DMD: variants seen among roughly 807,000 people sequenced by gnomAD.
The protein encoded by DMD is mutant dystrophin.
DMD carries 63 observed loss-of-function variants against 330.1 expected under a neutral mutation model. That is an observed-to-expected ratio of 0.19 (90% CI 0.16 to 0.24). DMD has a LOEUF of 0.24. DMD is among the 10% of genes least tolerant of loss of function. The pLI, the probability that DMD is intolerant of heterozygous loss-of-function variation, is 1.00. For synonymous variants in DMD, 1,223 were observed against 959.8 expected (o/e 1.27, Z -5.07); for missense variants, 3,344 against 2,684.1 (o/e 1.25, Z -5.43).
At chrX:31,507,671 G>C (rs1004046926) in intron 55 of DMD, among the ~76,000 whole-genome samples, 1 of 112,120 alleles carries the variant, frequency 8.9e-6, no homozygotes, top group Non-Finnish European at 1.9e-5. Flanking sequence ...CTTATTAGTT[G>C]TAATAGATTT....
chrX:32,700,209 C>T (rs1182928454), intron 7 of DMD, among the ~76,000 whole-genome samples: 1 of 111,117 alleles, frequency 9.0e-6, no homozygotes, highest in African/African-American at 3.3e-5. Context: ...CTATGAAATG[C>T]TAGCATTTCA....
Position 31,567,138 on chromosome X carries a change from C to T in DMD, c.8218-59685G>A, listed in dbSNP as rs193258397. ...TTTGTAGAATATTTGATATTTTCTA[C>T]GTACACAGTCATGCCATCCACAAAT... On this transcript the variant is annotated intron_variant, in intron 55 of 78. Transcript: ENST00000357033. Among the ~76,000 whole-genome samples the T allele has an allele frequency of 1.5e-4, 17 of 111,523 alleles. No individual in the cohort carries two copies. In the East Asian group the frequency reaches 2.8e-3, roughly 18 times the overall value.
At chrX:31,952,447 T>C (rs1242502217) in intron 45 of DMD, among the ~76,000 whole-genome samples, 2 of 91,337 alleles carry the variant, frequency 2.2e-5, no homozygotes, top group Non-Finnish European at 4.2e-5. Context: ...TCAAATTTAC[T>C]GATTTTTTTT....
intron 7 of DMD, among the ~76,000 whole-genome samples, chrX:32,724,105 A>C (rs2066617140): frequency 8.9e-6 from 1 of 112,323 alleles, no homozygotes; most frequent in South Asian, 3.6e-4. Flanking sequence ...CAAGTCAAAT[A>C]TAATACATTT....
intron 50 of DMD, among the ~76,000 whole-genome samples, chrX:31,812,063 A>G (rs1680393083): frequency 9.1e-6 from 1 of 110,227 alleles, no homozygotes; most frequent in Non-Finnish European, 1.9e-5. Context: ...TTGCAATTTA[A>G]GCCAACAAAA....
intron 1 of DMD, among the ~76,000 whole-genome samples, chrX:33,284,843 CTG>C (rs2053405485): frequency 2.9e-5 from 3 of 104,801 alleles, no homozygotes; most frequent in Admixed American, 1.0e-4. Context: ...AACAACAAAA[CTG>C]TGAGAGAGGA....
intron 1 of DMD, among the ~76,000 whole-genome samples, chrX:33,302,155 A>T (rs1167017575): frequency 9.0e-6 from 1 of 111,302 alleles, no homozygotes; most frequent in Non-Finnish European, 1.9e-5. Context: ...TGTTTATCTG[A>T]CCCTTATTTT....
At position 32,538,215 on chromosome X, in the gene DMD, G is replaced by A. The variant is rs749419020; in HGVS notation, c.2168+6944C>T. ...TTTCCCCTATGACCTGCACCTTTAC[G>A]TCCAGATGGCCTGAAGCAACTGAAG... On this transcript the variant is annotated intron_variant, in intron 17 of 78. Coordinates refer to ENST00000357033, the MANE Select transcript of DMD (RefSeq NM_004006.3). Among the ~76,000 whole-genome samples, 18 of 112,255 alleles carry A rather than the reference G, an allele frequency of 1.6e-4. No individual in the cohort carries two copies. The South Asian group carries it at 2.6e-3, about 16-fold the overall frequency.
intron 60 of DMD, among the ~76,000 whole-genome samples, chrX:31,357,435 C>T (rs765404330): frequency 9.4e-6 from 1 of 106,869 alleles, no homozygotes; most frequent in Non-Finnish European, 1.9e-5. Flanking sequence ...ATGACTGAAA[C>T]AGGTAGATAA....
Position 32,631,206 on chromosome X carries a change from C to T in DMD, c.1331+12926G>A, listed in dbSNP as rs5971648. The stretch of plus-strand genomic sequence containing the variant: ...AAAGAGAGTCTCTCTCTGTGATGAG[C>T]TGCCTGGAGCTAAAGGAGAGGTGAC... On this transcript the variant is annotated intron_variant, in intron 11 of 78. Transcript: ENST00000357033. 6.0e-3 allele frequency among the ~76,000 whole-genome samples: 670 copies of T among 111,489 alleles called. 8 individuals are homozygous for T. Among genetic ancestry groups the T allele is most frequent in the African/African-American group, 0.021 (645 of 30,651 alleles).
intron 4 of DMD, among the ~76,000 whole-genome samples, chrX:32,843,012 T>C (rs1227410098): frequency 9.0e-6 from 1 of 111,256 alleles, no homozygotes; most frequent in Admixed American, 9.5e-5. Context: ...TTCGCCATGG[T>C]GGCCAGGCTG....
intron 9 of DMD, among the ~76,000 whole-genome samples, chrX:32,657,159 C>T (rs1422013839): frequency 9.1e-6 from 1 of 109,498 alleles, no homozygotes; most frequent in Non-Finnish European, 1.9e-5. Context: ...GACTTTCTGT[C>T]TTGGCTATTA....
chrX:32,594,128 A>G (rs932974125), intron 13 of DMD, among the ~76,000 whole-genome samples: 13 of 112,617 alleles, frequency 1.2e-4, no homozygotes, highest in African/African-American at 4.2e-4. Context: ...TCATAATAGA[A>G]TTTACAGAAT....
intron 12 of DMD, among the ~76,000 whole-genome samples, chrX:32,612,622 A>T (rs1248145695): frequency 9.0e-6 from 1 of 111,113 alleles, no homozygotes; most frequent in African/African-American, 3.3e-5. Flanking sequence ...GGGCAGATAT[A>T]GTGTCAACGA....
intron 7 of DMD, among the ~76,000 whole-genome samples, chrX:32,729,836 T>C (rs1167873991): frequency 2.7e-5 from 3 of 112,132 alleles, no homozygotes; most frequent in Non-Finnish European, 5.6e-5. Context: ...ATTCAACATA[T>C]CTTAACCATT....
intron 63 of DMD, among the ~76,000 whole-genome samples, chrX:31,243,827 T>C (rs2048581060): frequency 8.9e-6 from 1 of 112,390 alleles, no homozygotes; most frequent in Admixed American, 9.4e-5. Context: ...GAATCAAATG[T>C]AGAAAGGTGT....
At chrX:31,682,150 C>G (rs1020003592) in intron 52 of DMD, among the ~76,000 whole-genome samples, 10 of 111,982 alleles carry the variant, frequency 8.9e-5, no homozygotes, top group Non-Finnish European at 1.9e-5. Flanking sequence ...AAAGACCCCA[C>G]AAAACTAGTG....
In DMD at chrX:32,679,901, A is replaced by ATTTTTTTTTT. The variant is rs1569447513; in HGVS notation, c.960+17968_960+17969insAAAAAAAAAA. ...ATGTTCGTTTCGCTCTAATATTTGT[A>ATTTTTTTTTT]CTTTTTTTTTTTTTTTTTTTTTTTT... On this transcript the variant is annotated intron_variant, in intron 9 of 78. Transcript: ENST00000357033. Among the ~76,000 whole-genome samples the ATTTTTTTTTT allele has an allele frequency of 1.6e-4, 5 of 30,948 alleles. 1 individual carries two copies. The highest frequency in any genetic ancestry group is 6.6e-4 in the African/African-American group (5 of 7,608). 26.9% of individuals were successfully genotyped at this position (30,948 alleles called of 115,157 possible). A position where few individuals can be genotyped will look rare whatever the true frequency, so the allele number is the denominator to read the frequency against.
chrX:32,196,566 T>C (rs1252187971), intron 44 of DMD, among the ~76,000 whole-genome samples: 2 of 112,342 alleles, frequency 1.8e-5, no homozygotes, highest in Non-Finnish European at 3.8e-5. Context: ...TATATATATG[T>C]GCTGATTGAG....
Sources: allele counts gnomAD v4.1 joint callset (sites outside exome capture counted in the v4.1 genomes callset), GRCh38; gene constraint gnomAD v4.1.1; transcripts MANE v1.5; gene names NCBI Gene and HGNC (gene_info 2026-07-23, HGNC 2026-07-21).